The following WDR59 variants were observed in gnomAD, a reference collection of about 807,000 sequenced individuals.
WDR59 encodes WD repeat domain 59.
Under a neutral mutation model 131.2 loss-of-function variants are expected in WDR59, and 100 were observed. The observed-to-expected ratio is 0.76, with a 90% CI of 0.65 to 0.90. The LOEUF is 0.90. Among genes scored for constraint, WDR59 ranks in the 40% least tolerant of loss-of-function variants. The probability of loss-of-function intolerance (pLI) is 0.00; values close to 1 mark genes in which losing one functional copy is unlikely to be tolerated. For synonymous variants in WDR59, 601 were observed against 466.2 expected (o/e 1.29, Z -3.72); for missense variants, 1,203 against 1,262.2 (o/e 0.95, Z 0.71).
At chr16:74,935,847 G>T (rs1203428910) in intron 8 of WDR59, among the ~76,000 whole-genome samples, 1 of 151,824 alleles carries the variant, frequency 6.6e-6, no homozygotes, top group East Asian at 1.9e-4. Context: ...AAACACAAAA[G>T]TTAGCTGGAC....
chr16:74,977,921 G>T (rs1016273981), intron 1 of WDR59, among the ~76,000 whole-genome samples: 1 of 152,094 alleles, frequency 6.6e-6, no homozygotes, highest in Non-Finnish European at 1.5e-5. Flanking sequence ...CTAAGCAAAA[G>T]ACGCCAGGTA....
At chr16:74,881,412 G>A (rs1406381306) in intron 25 of WDR59, among the ~76,000 whole-genome samples, 1 of 150,250 alleles carries the variant, frequency 6.7e-6, no homozygotes, top group African/African-American at 2.5e-5. Context: ...GGCTTGTCTC[G>A]AATTCCTAGA....
At chr16:74,947,645 A>G (rs1201878607) in intron 6 of WDR59, among the ~76,000 whole-genome samples, 4 of 152,242 alleles carry the variant, frequency 2.6e-5, no homozygotes, top group Non-Finnish European at 5.9e-5. Context: ...AATGCTGCTT[A>G]GATACTTGAT....
rs532797592 is a variant in WDR59 at position 74,945,634 on chromosome 16, G to A, written c.446-2808C>T. Among the ~76,000 whole-genome samples, 15 of 152,102 alleles carry A rather than the reference G, an allele frequency of 9.9e-5. 1 individual carries two copies. In the South Asian group the frequency reaches 2.5e-3, roughly 25 times the overall value. The stretch of plus-strand genomic sequence containing the variant: ...AAGTACCTAAAGCAGGTGGTGGCGG[G>A]GGGCAGAGCAGTGGAACTGTTAAGC... On this transcript the variant is annotated intron_variant, in intron 6 of 25. Coordinates refer to ENST00000262144, the MANE Select transcript of WDR59 (RefSeq NM_030581.4).
intron 2 of WDR59, among the ~76,000 whole-genome samples, chr16:74,958,592 CA>C (rs747175030): frequency 4.9e-3 from 65 of 13,232 alleles, no homozygotes; most frequent in South Asian, 0.022. Context: ...GACTCCATCT[CA>C]AAAAAAAAAA....
At chr16:74,886,158 C>T (rs1964747962) in intron 24 of WDR59, 112 bp downstream of exon 24, 3 of 1,287,136 alleles carry the variant, frequency 2.3e-6, no homozygotes, top group Admixed American at 2.4e-5. Context: ...AACCTAGTGA[C>T]CGGGTAAGAT....
intron 18 of WDR59, chr16:74,899,731 C>T (rs1228756477): frequency 3.1e-6 from 4 of 1,289,036 alleles, no homozygotes; most frequent in Non-Finnish European, 4.0e-6. Flanking sequence ...TGGACCAACG[C>T]CGCCGGGCAG....
chr16:74,934,045 G>A (rs935681676), intron 8 of WDR59, among the ~76,000 whole-genome samples: 3 of 152,098 alleles, frequency 2.0e-5, no homozygotes, highest in Non-Finnish European at 4.4e-5. Flanking sequence ...ACTTATAAAA[G>A]GAATGATACT....
At position 74,949,797 on chromosome 16, in the gene WDR59, C is replaced by T. The variant is rs759015915; in HGVS notation, c.328G>A (p.Asp110Asn). ...TLQGHTRVIS[D>N]LDWAVFEPDL... The stretch of plus-strand genomic sequence containing the variant: ...GGCTCAAACACCGCCCAGTCCAAGT[C>T]GCTGGGACACAAAGAATAAACAGAA... Residue 110 changes from aspartate (D) to asparagine (N), a missense_variant and splice_region_variant, in exon 5 of 26, where the codon GAC (aspartate) becomes AAC (asparagine). Transcript: ENST00000262144. 10 of 1,613,774 alleles carry T rather than the reference C, an allele frequency of 6.2e-6. No individual in the cohort carries two copies. The highest frequency in any genetic ancestry group is 1.7e-4 in the Middle Eastern group (1 of 6,060).
intron 6 of WDR59, among the ~76,000 whole-genome samples, chr16:74,945,413 C>G (rs1333745828): frequency 2.6e-5 from 4 of 151,216 alleles, no homozygotes; most frequent in African/African-American, 7.3e-5. Flanking sequence ...GGAGGCAGAG[C>G]TTGCGGTGAG....
At chr16:74,929,795 G>A (rs1195928334) in intron 8 of WDR59, among the ~76,000 whole-genome samples, 7 of 152,136 alleles carry the variant, frequency 4.6e-5, no homozygotes. Flanking sequence ...TTCATCAACA[G>A]ACAAACGGAA....
At chr16:74,950,108 G>T (rs2032908015) in intron 4 of WDR59, among the ~76,000 whole-genome samples, 1 of 152,138 alleles carries the variant, frequency 6.6e-6, no homozygotes, top group Admixed American at 6.5e-5. Context: ...TTGGGAGGCT[G>T]AGGCGGGCAG....
intron 7 of WDR59, among the ~76,000 whole-genome samples, chr16:74,938,954 C>G (rs2032015016): frequency 6.6e-6 from 1 of 152,052 alleles, no homozygotes; most frequent in Non-Finnish European, 1.5e-5. Flanking sequence ...AACCATGCAT[C>G]TTAAAGTGAT....
intron 17 of WDR59, 71 bp from the exon 18 acceptor site, chr16:74,904,171 G>C: frequency 6.5e-7 from 1 of 1,546,810 alleles, no homozygotes; most frequent in Non-Finnish European, 8.8e-7. Context: ...GCTATTCTTA[G>C]CACTTGATAC....
chr16:74,888,171 A>T lies in WDR59; in HGVS notation c.2344T>A (p.Tyr782Asn). The T allele has an allele frequency of 6.3e-7, 1 of 1,580,958 alleles. No homozygotes were observed. The highest frequency in any genetic ancestry group is 8.5e-7 in the Non-Finnish European group (1 of 1,169,964). ...AAACCAGAAAAGGACAAACTTACATATCGACTATGGGACACCACAAGATTA... is the reference window on the plus strand; with the variant it reads ...AAACCAGAAAAGGACAAACTTACATTTCGACTATGGGACACCACAAGATTA... ...SSNLVVSHSR[Y>N]PSFTSSGSCS... is the part of the protein sequence containing the mutation. The change falls in exon 22 of 26, where the codon TAT (tyrosine) becomes AAT (asparagine). Residue 782 changes from tyrosine to asparagine, a missense_variant and splice_region_variant. Coordinates refer to ENST00000262144, the MANE Select transcript of WDR59 (RefSeq NM_030581.4).
At chr16:74,975,461 G>C (rs892773271) in intron 1 of WDR59, among the ~76,000 whole-genome samples, 7 of 151,448 alleles carry the variant, frequency 4.6e-5, no homozygotes, top group African/African-American at 1.2e-4. Flanking sequence ...TCAGGAGTTT[G>C]AGACTAGCCT....
intron 25 of WDR59, among the ~76,000 whole-genome samples, chr16:74,880,977 G>A (rs984073724): frequency 2.6e-5 from 4 of 152,312 alleles, no homozygotes; most frequent in South Asian, 2.1e-4. Flanking sequence ...ACTGTTGAAC[G>A]AAATTTAGGT....
chr16:74,938,746 CA>C (rs1350993631), intron 7 of WDR59, among the ~76,000 whole-genome samples: 1 of 151,972 alleles, frequency 6.6e-6, no homozygotes, highest in East Asian at 1.9e-4. Flanking sequence ...GCATGTTGTC[CA>C]GGCTGGTCTT....
chr16:74,926,004 A>T (rs1393775705), intron 8 of WDR59, among the ~76,000 whole-genome samples: 1 of 7,164 alleles, frequency 1.4e-4, no homozygotes, highest in Non-Finnish European at 2.2e-4. Context: ...TGTTTTTAAT[A>T]AAAAAAAAAA....
Sources: allele counts gnomAD v4.1 joint callset (sites outside exome capture counted in the v4.1 genomes callset), GRCh38; gene constraint gnomAD v4.1.1; transcripts MANE v1.5; gene names NCBI Gene and HGNC (gene_info 2026-07-23, HGNC 2026-07-21).